The following RUNX3 variants were observed in gnomAD, a reference collection of about 807,000 sequenced individuals.
The protein encoded by RUNX3 is runt-related transcription factor 3.
A neutral mutation model predicts 27.7 loss-of-function variants in RUNX3; 10 were observed. The ratio of observed to expected loss-of-function variants is 0.36; its 90% CI spans 0.22 to 0.61. RUNX3 has a LOEUF of 0.61. Ranked by LOEUF, RUNX3 falls within the 20% of genes least tolerant of loss-of-function variation. The probability of loss-of-function intolerance (pLI) is 0.72; values close to 1 mark genes in which losing one functional copy is unlikely to be tolerated. For synonymous variants in RUNX3, 270 were observed against 269.2 expected, an observed-to-expected ratio of 1.00 and a Z score of -0.03; for missense variants, 469 against 629.5, an observed-to-expected ratio of 0.75 and a Z score of 2.73.
chr1:24,960,677 G>T (rs1044029172), intron 2 of RUNX3, among the ~76,000 whole-genome samples: 4 of 152,114 alleles, frequency 2.6e-5, no homozygotes, highest in Admixed American at 2.6e-4. Flanking sequence ...TGAGGGGGGG[G>T]TGCCCCAGGG....
At chr1:24,911,517 G>A (rs1640795458) in intron 3 of RUNX3, among the ~76,000 whole-genome samples, 1 of 152,212 alleles carries the variant, frequency 6.6e-6, no homozygotes, top group African/African-American at 2.4e-5. Flanking sequence ...GGGTTGAGGT[G>A]CTGGCCTAAG....
chr1:24,913,134 G>C (rs561918308), intron 3 of RUNX3, among the ~76,000 whole-genome samples: 56 of 152,330 alleles, frequency 3.7e-4, no homozygotes, highest in African/African-American at 1.3e-3. Context: ...CCGATGAGCT[G>C]GAGGACAGGC....
intron 2 of RUNX3, among the ~76,000 whole-genome samples, chr1:24,955,081 G>T (rs1264883316): frequency 6.6e-6 from 1 of 152,006 alleles, no homozygotes; most frequent in Non-Finnish European, 1.5e-5. Context: ...CCATACCTTT[G>T]CCCATGCTGT....
chr1:24,914,674 C>T (rs1363859668), intron 3 of RUNX3, among the ~76,000 whole-genome samples: 2 of 152,188 alleles, frequency 1.3e-5, no homozygotes, highest in Admixed American at 1.3e-4. Flanking sequence ...ACTCCGCTAG[C>T]CCTGCCCCTA....
chr1:24,929,848 T>G lies in RUNX3; in HGVS notation c.21A>C (p.Pro7=), dbSNP rs752499238. 2.2e-6 allele frequency: 3 copies of G among 1,391,392 alleles called. No individual in the cohort carries two copies. The South Asian group carries it at 4.9e-5, about 23-fold the overall frequency. 86.2% of individuals were successfully genotyped at this position (1,391,392 alleles called of 1,614,324 possible). MRIPVD[P]STSRRFTPPS... is the part of the protein sequence containing the mutation. ...GAGGTGTGAAGCGGCGGCTGGTGCT[T>G]GGGTCTACGGGAATACGCATAACAG... The change falls in exon 1 of 5, where the codon CCA becomes CCC. Residue 7 remains proline, a synonymous_variant. Coordinates refer to ENST00000308873, the MANE Select transcript of RUNX3 (RefSeq NM_004350.3).
chr1:24,949,750 C>T (rs1641710988), intron 2 of RUNX3, among the ~76,000 whole-genome samples: 1 of 152,264 alleles, frequency 6.6e-6, no homozygotes, highest in Non-Finnish European at 1.5e-5. Context: ...GGAGCCCACC[C>T]ACCACCTCTG....
Position 24,907,382 on chromosome 1 carries a change from A to G in RUNX3, c.580T>C (p.Phe194Leu). 6.2e-7 allele frequency: 1 copy of G among 1,613,800 alleles called. No homozygotes were observed. The highest frequency in any genetic ancestry group is 2.2e-5 in the East Asian group (1 of 44,870). The change falls in exon 4 of 5, where the codon TTC becomes CTC. Residue 194 changes from phenylalanine (F) to leucine (L), a missense_variant. Transcript: ENST00000308873. ...RQKLEDQTKPFPDRFGDLERL... is the reference protein window; with the variant it reads ...RQKLEDQTKPLPDRFGDLERL... ...TCCAGGTCCCCAAAGCGGTCAGGGA[A>G]CGGCTTGGTCTGGTCCTCCAGCTTC...
intron 2 of RUNX3, among the ~76,000 whole-genome samples, chr1:24,942,960 C>A (rs1427055307): frequency 6.6e-6 from 1 of 152,228 alleles, no homozygotes; most frequent in Admixed American, 6.5e-5. Context: ...CCTGAGAGGT[C>A]ACAGGCTGGA....
Position 24,930,218 on chromosome 1 carries a change from C to T in RUNX3, c.-350G>A, listed in dbSNP as rs1641191931. ...GCCGCCTCCCGCCCCGAAGCTCGCC[C>T]GCGGCCGCCCCGACTCCGCGGCCGC... On this transcript the variant is annotated 5_prime_UTR_variant, in exon 1 of 5. Transcript: ENST00000308873. This position sits in a 1 kb window ranked among gnomAD's most constrained non-coding sequence, Gnocchi z 4.1. The T allele has an allele frequency of 6.1e-6, 6 of 982,194 alleles. No individual in the cohort carries two copies. Among genetic ancestry groups the T allele is most frequent in the Non-Finnish European group, 7.2e-6 (6 of 828,638 alleles). The allele number at this position is 982,194 out of a possible 1,614,324, so 60.8% of individuals were successfully genotyped here. A position where few individuals can be genotyped will look rare whatever the true frequency, so the allele number is the denominator to read the frequency against.
Position 24,929,843 on chromosome 1 carries a change from G to A in RUNX3, c.26C>T (p.Thr9Ile). ...GGAGGGAGGTGTGAAGCGGCGGCTGGTGCTTGGGTCTACGGGAATACGCAT... is the reference window on the plus strand; with the variant it reads ...GGAGGGAGGTGTGAAGCGGCGGCTGATGCTTGGGTCTACGGGAATACGCAT... The part of the protein sequence containing the change: MRIPVDPS[T>I]SRRFTPPSPA... Residue 9 changes from threonine to isoleucine, a missense_variant, in exon 1 of 5, where the codon ACC (threonine) becomes ATC (isoleucine). Coordinates refer to ENST00000308873, the MANE Select transcript of RUNX3 (RefSeq NM_004350.3). 1 of 1,393,888 alleles carries A rather than the reference G, an allele frequency of 7.2e-7. No homozygotes were observed. Among genetic ancestry groups the A allele is most frequent in the Non-Finnish European group, 9.2e-7 (1 of 1,084,772 alleles). The allele number at this position is 1,393,888 out of a possible 1,614,324, so 86.3% of individuals were successfully genotyped here. A position where few individuals can be genotyped will look rare whatever the true frequency, so the allele number is the denominator to read the frequency against.
chr1:24,961,946 C>T (rs1014189978), intron 2 of RUNX3: 2 of 152,102 alleles, frequency 1.3e-5, no homozygotes, highest in Admixed American at 6.5e-5. Context: ...TCTGAGAACC[C>T]GAGACCCGGA....
In RUNX3 at chr1:24,963,936, C is replaced by T. The variant is rs540412389; in HGVS notation, c.58+578G>A. 2.2e-4 allele frequency among the ~76,000 whole-genome samples: 34 copies of T among 152,368 alleles called. 1 individual carries two copies. The South Asian group carries it at 6.8e-3, about 31-fold the overall frequency. The stretch of plus-strand genomic sequence containing the variant: ...CCAAATCCACGAACTTTCTCGAGGT[C>T]TGTCCCCCTGCCCCGTGCAGGTCCA... On this transcript the variant is annotated intron_variant, in intron 2 of 6. Transcript: ENST00000338888.
rs1641033050 is a variant in RUNX3 at position 24,923,170 on chromosome 1, C to A, written c.440-3826G>T. ...CATGCCACCCCTGAGGTCACCAGCA[C>A]TCCTCGGCCGCTTCCACCAGCTTCC... On this transcript the variant is annotated intron_variant, in intron 2 of 4. Transcript: ENST00000308873. This position sits in a 1 kb window ranked among gnomAD's most constrained non-coding sequence, Gnocchi z 5.9. Among the ~76,000 whole-genome samples, 2 of 152,160 alleles carry A rather than the reference C, an allele frequency of 1.3e-5. No individual in the cohort carries two copies. Among genetic ancestry groups the A allele is most frequent in the Non-Finnish European group, 2.9e-5 (2 of 68,034 alleles).
intron 2 of RUNX3, among the ~76,000 whole-genome samples, chr1:24,956,274 T>A (rs969059820): frequency 4.6e-5 from 7 of 152,258 alleles, no homozygotes; most frequent in African/African-American, 9.6e-5. Flanking sequence ...TCTTCCTCTT[T>A]CTTTCTCTGA....
chr1:24,915,829 C>A (rs577895181), intron 3 of RUNX3, among the ~76,000 whole-genome samples: 3 of 152,138 alleles, frequency 2.0e-5, no homozygotes, highest in African/African-American at 4.8e-5. Flanking sequence ...TTTCCCCCAC[C>A]GTGGTCCATG....
At chr1:24,906,798 G>T (rs1232985215) in intron 4 of RUNX3, among the ~76,000 whole-genome samples, 1 of 152,226 alleles carries the variant, frequency 6.6e-6, no homozygotes, top group Non-Finnish European at 1.5e-5. Context: ...GTACAGTAAT[G>T]TCATTTGAAT....
chr1:24,941,173 C>T (rs985745656), intron 2 of RUNX3, among the ~76,000 whole-genome samples: 1 of 152,162 alleles, frequency 6.6e-6, no homozygotes, highest in African/African-American at 2.4e-5. Flanking sequence ...TCATGGCAAC[C>T]CCCACCTAGG....
intron 2 of RUNX3, among the ~76,000 whole-genome samples, chr1:24,958,968 GC>G (rs971771702): frequency 7.2e-5 from 11 of 152,238 alleles, no homozygotes; most frequent in African/African-American, 2.7e-4. Context: ...TGTTGGGGCT[GC>G]CCCACTGAAC....
rs1464792927 is a variant in RUNX3 at position 24,916,342 on chromosome 1, TG to T, written c.544+2897del. ...ACACCAATACCATCCATTTGACAGC[TG>T]AGCACACTGAGGTGAAAAGGCCCTT... On this transcript the variant is annotated intron_variant, in intron 3 of 4. Transcript: ENST00000308873. The surrounding 1 kb of genome is among the most constrained non-coding windows in gnomAD (Gnocchi z 4.8). Among the ~76,000 whole-genome samples, 1 of 152,202 alleles carries T rather than the reference TG, an allele frequency of 6.6e-6. No homozygotes were observed. Among genetic ancestry groups the T allele is most frequent in the East Asian group, 1.9e-4 (1 of 5,192 alleles).
Sources: allele counts gnomAD v4.1 joint callset (sites outside exome capture counted in the v4.1 genomes callset), GRCh38; gene constraint gnomAD v4.1.1; non-coding constraint Gnocchi (gnomAD v3.1); transcripts MANE v1.5; gene names NCBI Gene and HGNC (gene_info 2026-07-23, HGNC 2026-07-21).